Variants in EIF3H observed in about 807,000 individuals in gnomAD.
EIF3H encodes the protein eukaryotic translation initiation factor 3 subunit H.
A neutral mutation model predicts 44.2 loss-of-function variants in EIF3H; 26 were observed. That is an observed-to-expected ratio of 0.59 (90% CI 0.43 to 0.82). The LOEUF (loss-of-function observed/expected upper bound fraction) is 0.82. Among genes scored for constraint, EIF3H ranks in the 40% least tolerant of loss-of-function variants. The pLI is 0.00. For missense variants in EIF3H, 359 were observed against 432.8 expected, an observed-to-expected ratio of 0.83 and a Z score of 1.51; for synonymous variants, 166 against 151.9, an observed-to-expected ratio of 1.09 and a Z score of -0.68.
intron 2 of EIF3H, among the ~76,000 whole-genome samples, chr8:116,710,534 A>T (rs1814556278): frequency 6.6e-6 from 1 of 152,224 alleles, no homozygotes; most frequent in South Asian, 2.1e-4. Flanking sequence ...GTACACCCAC[A>T]AACTTAACTT....
chr8:116,667,689 G>A (rs1376004047), intron 2 of EIF3H, among the ~76,000 whole-genome samples: 1 of 152,192 alleles, frequency 6.6e-6, no homozygotes, highest in Non-Finnish European at 1.5e-5. Context: ...AAAGTGTGGT[G>A]ATAATAAATG....
chr8:116,702,767 T>C (rs1366992994), intron 2 of EIF3H, among the ~76,000 whole-genome samples: 1 of 152,154 alleles, frequency 6.6e-6, no homozygotes, highest in Non-Finnish European at 1.5e-5. Context: ...CAAGTACGAA[T>C]AACAAAGGAC....
Position 116,643,250 on chromosome 8 carries a change from G to A in EIF3H, c.*1756C>T, listed in dbSNP as rs1192489314. 6.6e-6 allele frequency: 1 copy of A among 151,330 alleles called. No individual in the cohort carries two copies. Among genetic ancestry groups the A allele is most frequent in the Non-Finnish European group, 1.5e-5 (1 of 68,036 alleles). The allele number at this position is 151,330 out of a possible 1,614,324, so 9.4% of individuals were successfully genotyped here. ...CAAATTTGTGTTGACTCCAATTTAA[G>A]GTTATCACTATGGGTAGGAGGGCAA... On this transcript the variant is annotated 3_prime_UTR_variant, in exon 8 of 8. Coordinates refer to ENST00000521861, the MANE Select transcript of EIF3H (RefSeq NM_003756.3).
chr8:116,704,385 T>C (rs938869989), intron 2 of EIF3H, among the ~76,000 whole-genome samples: 9 of 152,228 alleles, frequency 5.9e-5, no homozygotes, highest in African/African-American at 2.2e-4. Flanking sequence ...TGTAATGTTA[T>C]CATTACCAGT....
In EIF3H at chr8:116,649,298, T is replaced by C. The variant is rs572246194; in HGVS notation, c.708-372A>G. Among the ~76,000 whole-genome samples, 4 of 152,296 alleles carry C rather than the reference T, an allele frequency of 2.6e-5. No individual in the cohort carries two copies. The East Asian group carries it at 7.7e-4, about 29-fold the overall frequency. ...TCCTGCCCAAATGCATTCCATAACA[T>C]TTTTATCAGTAATCACAGGAAAGAA... is the stretch of plus-strand genomic sequence containing the variant. On this transcript the variant is annotated intron_variant, in intron 5 of 7. Coordinates refer to ENST00000521861, the MANE Select transcript of EIF3H (RefSeq NM_003756.3).
intron 2 of EIF3H, among the ~76,000 whole-genome samples, chr8:116,679,408 T>C (rs1388416304): frequency 4.4e-5 from 2 of 45,128 alleles, no homozygotes; most frequent in Non-Finnish European, 1.3e-4. Flanking sequence ...GGGAGGGAGG[T>C]GGGGGGATCA....
Position 116,762,414 on chromosome 8 carries a change from C to A in EIF3H, c.-27+3101G>T, listed in dbSNP as rs182484331. Among the ~76,000 whole-genome samples, 11 of 152,272 alleles carry A rather than the reference C, an allele frequency of 7.2e-5. No individual in the cohort carries two copies. The East Asian group carries it at 1.9e-3, about 27-fold the overall frequency. The stretch of plus-strand genomic sequence containing the variant: ...TGCTTTGCCAGTGTTAAGTGAATGA[C>A]CTCCATTCTCAAAATTACCTCATGG... On this transcript the variant is annotated intron_variant, in intron 1 of 9. Coordinates refer to the EIF3H transcript ENST00000276682.
intron 2 of EIF3H, among the ~76,000 whole-genome samples, chr8:116,721,011 T>G (rs764238602): frequency 1.3e-5 from 2 of 151,898 alleles, no homozygotes; most frequent in Non-Finnish European, 2.9e-5. Context: ...AAGCAGAAAT[T>G]TGCATAATGA....
At chr8:116,729,029 A>C (rs1169697815) in intron 1 of EIF3H, among the ~76,000 whole-genome samples, 1 of 152,230 alleles carries the variant, frequency 6.6e-6, no homozygotes. Flanking sequence ...AAAATAGAAC[A>C]AATACAGGTG....
intron 2 of EIF3H, among the ~76,000 whole-genome samples, chr8:116,683,550 T>G (rs535711821): frequency 1.3e-5 from 2 of 152,368 alleles, no homozygotes; most frequent in South Asian, 4.1e-4. Context: ...GTAAGAATTT[T>G]AGAGGAATGT....
At position 116,746,937 on chromosome 8, in the gene EIF3H, G is replaced by A. The variant is rs558415105; in HGVS notation, c.132+8729C>T. Among the ~76,000 whole-genome samples the A allele has an allele frequency of 7.2e-5, 11 of 152,206 alleles. No individual in the cohort carries two copies. In the South Asian group the frequency reaches 8.3e-4, roughly 11 times the overall value. On this transcript the variant is annotated intron_variant, in intron 1 of 7. Coordinates refer to ENST00000521861, the MANE Select transcript of EIF3H (RefSeq NM_003756.3). Reference sequence around the variant, plus strand: ...TAACAACCAAAAAAGGCACCAACTAGAAACATAAACCACTCAAGGCACCTA... The same window carrying A: ...TAACAACCAAAAAAGGCACCAACTAAAAACATAAACCACTCAAGGCACCTA...
intron 2 of EIF3H, among the ~76,000 whole-genome samples, chr8:116,678,019 A>C (rs1813878079): frequency 6.6e-6 from 1 of 152,048 alleles, no homozygotes; most frequent in Non-Finnish European, 1.5e-5. Flanking sequence ...GTCTCCTTCC[A>C]CGGTCTCCCT....
intron 1 of EIF3H, among the ~76,000 whole-genome samples, chr8:116,733,539 G>C (rs999452507): frequency 6.6e-6 from 1 of 151,936 alleles, no homozygotes; most frequent in East Asian, 1.9e-4. Flanking sequence ...AAAGGTTTGG[G>C]GAACAGTGTG....
Position 116,726,168 on chromosome 8 carries a change from A to C in EIF3H, c.137T>G (p.Val46Gly), listed in dbSNP as rs750885314. 3.1e-6 allele frequency: 5 copies of C among 1,612,978 alleles called. No homozygotes were observed. Among genetic ancestry groups the C allele is most frequent in the Non-Finnish European group, 4.2e-6 (5 of 1,179,438 alleles). The change falls in exon 2 of 8, where the codon GTA becomes GGA. Residue 46 changes from valine (V) to glycine (G), a missense_variant. By Grantham distance (109) the Val-to-Gly change is moderately radical. This residue lies in a region of EIF3H where 91 missense variants were observed against 164.6 expected (regional missense o/e 0.55). Coordinates refer to ENST00000521861, the MANE Select transcript of EIF3H (RefSeq NM_003756.3). ...TTGATAATGTTTGATTATCTTTAAT[A>C]CCACCTAAAACATACACACACAGAA... Reference protein sequence around the residue: ...VKQVQIDGLVVLKIIKHYQEE... With the variant: ...VKQVQIDGLVGLKIIKHYQEE...
At position 116,642,210 on chromosome 8, in the gene EIF3H, C is replaced by T. The variant is rs1207906499; in HGVS notation, c.*2796G>A. On this transcript the variant is annotated 3_prime_UTR_variant, in exon 8 of 8. Coordinates refer to ENST00000521861, the MANE Select transcript of EIF3H (RefSeq NM_003756.3). Reference sequence around the variant, plus strand: ...ATTTCATAACATTCTGATACCACTACACCTGAGTTCGATGCCAGCATGGTT... The same window carrying T: ...ATTTCATAACATTCTGATACCACTATACCTGAGTTCGATGCCAGCATGGTT... 1.3e-5 allele frequency: 2 copies of T among 152,048 alleles called. No individual in the cohort carries two copies. The highest frequency in any genetic ancestry group is 4.8e-5 in the African/African-American group (2 of 41,400). 9.4% of individuals were successfully genotyped at this position (152,048 alleles called of 1,614,324 possible).
upstream of EIF3H, among the ~76,000 whole-genome samples, chr8:116,757,275 TGA>T (rs200065010): frequency 2.4e-4 from 35 of 148,304 alleles, no homozygotes; most frequent in Admixed American, 3.4e-4. Context: ...GAGGTACAAC[TGA>T]GAGAGAGAGA....
intron 2 of EIF3H, chr8:116,697,028 C>G: frequency 2.2e-6 from 1 of 454,296 alleles, no homozygotes; most frequent in South Asian, 1.6e-5. Flanking sequence ...TAACAGTAGT[C>G]TCACTGTGGA....
chr8:116,667,447 CTGTT>C (rs1412071159), intron 2 of EIF3H, among the ~76,000 whole-genome samples: 4 of 133,154 alleles, frequency 3.0e-5, no homozygotes, highest in African/African-American at 5.7e-5. Context: ...ACACAGAAAA[CTGTT>C]TGTACAACTT....
intron 2 of EIF3H, among the ~76,000 whole-genome samples, chr8:116,674,191 A>G (rs2130823528): frequency 6.6e-6 from 1 of 151,892 alleles, no homozygotes; most frequent in African/African-American, 2.4e-5. Flanking sequence ...TTATTTCATA[A>G]AGCCCAAGAC....
Sources: gnomAD v4.1 joint callset for allele counts (sites outside exome capture counted in the v4.1 genomes callset) on GRCh38, gnomAD v4.1.1 for gene constraint, gnomAD v4.1.1 regional missense constraint, MANE v1.5 for transcripts, NCBI Gene and HGNC (gene_info 2026-07-23, HGNC 2026-07-21) for gene names.